FILIP1: variants seen among roughly 807,000 people sequenced by gnomAD.
FILIP1 encodes the protein filamin A interacting protein 1, also known as filamin-A-interacting protein 1.
FILIP1 carries 61 observed loss-of-function variants against 102.1 expected under a neutral mutation model. The observed-to-expected ratio is 0.60, with a 90% CI of 0.49 to 0.74. The LOEUF (loss-of-function observed/expected upper bound fraction) is 0.74. Ranked by LOEUF, FILIP1 falls within the 30% of genes least tolerant of loss-of-function variation. The pLI, the probability that FILIP1 is intolerant of heterozygous loss-of-function variation, is 0.00. For synonymous variants in FILIP1, 491 were observed against 526.9 expected, an observed-to-expected ratio of 0.93 and a Z score of 0.93; for missense variants, 1,314 against 1,441.2, an observed-to-expected ratio of 0.91 and a Z score of 1.43.
At position 75,313,325 on chromosome 6, in the gene FILIP1, C is replaced by T. The variant is rs751607164; in HGVS notation, c.2507G>A (p.Ser836Asn). The T allele has an allele frequency of 1.4e-5, 22 of 1,614,092 alleles. No homozygotes were observed. Among genetic ancestry groups the T allele is most frequent in the African/African-American group, 2.7e-5 (2 of 74,930 alleles). The change falls in exon 5 of 6, where the codon AGT becomes AAT. Residue 836 changes from serine to asparagine, a missense_variant. Physicochemically the swap from Ser to Asn is conservative, Grantham distance 46 (BLOSUM62 1). Coordinates refer to ENST00000237172, the MANE Select transcript of FILIP1 (RefSeq NM_015687.5). The surrounding 1 kb of genome is among the most constrained non-coding windows in gnomAD (Gnocchi z 4.2). ...CTTCAATCCCACCTGCCGAAGATTA[C>T]TCATAATATGATTTTCTTCCTGGAA... ...KSFQEENHIM[S>N]NLRQVGLKKP... is the part of the protein sequence containing the mutation.
chr6:75,418,149 G>T (rs1039718582), intron 1 of FILIP1, among the ~76,000 whole-genome samples: 1 of 152,210 alleles, frequency 6.6e-6, no homozygotes, highest in Non-Finnish European at 1.5e-5. Flanking sequence ...AGTGAGCCGA[G>T]ATTGTGCCAC....
At chr6:75,492,910 G>A (rs76755536) in intron 1 of FILIP1, among the ~76,000 whole-genome samples, 163 of 152,304 alleles carry the variant, frequency 1.1e-3, no homozygotes, top group African/African-American at 3.7e-3. Context: ...GTGTACCAGT[G>A]TAATCAGAGA....
intron 2 of FILIP1, among the ~76,000 whole-genome samples, chr6:75,391,506 T>C (rs577322810): frequency 6.6e-6 from 1 of 152,212 alleles, no homozygotes; most frequent in East Asian, 1.9e-4. Context: ...TTGGGAAGAA[T>C]TTCCACTATC....
rs68150078 is a variant in FILIP1 at position 75,457,612 on chromosome 6, GTCTC to G, written c.-7+35798_-7+35801del. 7.2e-3 allele frequency among the ~76,000 whole-genome samples: 1,021 copies of G among 142,470 alleles called. 5 individuals are homozygous for G. The highest frequency in any genetic ancestry group is 0.028 in the East Asian group (131 of 4,732). The allele number at this position is 142,470 out of a possible 152,430, so 93.5% of individuals were successfully genotyped here. A position where few individuals can be genotyped will look rare whatever the true frequency, so the allele number is the denominator to read the frequency against. On this transcript the variant is annotated intron_variant, in intron 1 of 5. Transcript: ENST00000237172. Reference sequence around the variant, plus strand: ...AAAATACCTAATTATTTCAAACAAAGTCTCTCTCTCTCTCTCTCTCTCTCTCTCT... The same window carrying G: ...AAAATACCTAATTATTTCAAACAAAGTCTCTCTCTCTCTCTCTCTCTCTCT...
At chr6:75,386,104 T>C in intron 2 of FILIP1, 1 of 152,326 alleles carries the variant, frequency 6.6e-6, no homozygotes, top group East Asian at 1.9e-4. Context: ...TACTGCTTAT[T>C]TGTAGTTACC....
rs184365055 is a variant in FILIP1, at chr6:75,427,978, A to T, written c.-6-13000T>A. Among the ~76,000 whole-genome samples the T allele has an allele frequency of 7.0e-4, 106 of 152,126 alleles. 1 individual carries two copies. The highest frequency in any genetic ancestry group is 4.1e-4 in the Non-Finnish European group (28 of 68,000). ...ATTAAAATAGAAGTAGCCATTTTTA[A>T]AGAGGGTGGGTTGAAGGAAGAGTGA... On this transcript the variant is annotated intron_variant, in intron 1 of 5. Transcript: ENST00000237172.
chr6:75,491,944 C>A (rs960369459), intron 1 of FILIP1, among the ~76,000 whole-genome samples: 2 of 152,146 alleles, frequency 1.3e-5, no homozygotes, highest in Non-Finnish European at 2.9e-5. Context: ...CTTACACATA[C>A]ATTTTTAAGT....
intron 2 of FILIP1, among the ~76,000 whole-genome samples, chr6:75,369,017 G>A (rs956360110): frequency 6.6e-6 from 1 of 152,164 alleles, no homozygotes; most frequent in South Asian, 2.1e-4. Context: ...CACTGCTCTA[G>A]GACAGATGAC....
chr6:75,481,367 T>C (rs1443962601), intron 1 of FILIP1, among the ~76,000 whole-genome samples: 1 of 152,220 alleles, frequency 6.6e-6, no homozygotes, highest in East Asian at 1.9e-4. Context: ...CAAAGAACTC[T>C]AGCCCACCAC....
intron 1 of FILIP1, among the ~76,000 whole-genome samples, chr6:75,469,026 A>G (rs144781149): frequency 6.6e-4 from 101 of 152,180 alleles, no homozygotes; most frequent in African/African-American, 2.4e-3. Flanking sequence ...TAATTTTGCC[A>G]ACCAAAATAA....
At chr6:75,372,786 GAAA>G (rs1562516167) in intron 2 of FILIP1, among the ~76,000 whole-genome samples, 1 of 82,672 alleles carries the variant, frequency 1.2e-5, no homozygotes, top group Non-Finnish European at 2.6e-5. Context: ...AAGAAAGAAA[GAAA>G]GAAAGAAGGA....
chr6:75,350,041 G>C (rs1166558122), intron 4 of FILIP1, among the ~76,000 whole-genome samples: 1 of 152,064 alleles, frequency 6.6e-6, no homozygotes, highest in Admixed American at 6.6e-5. Flanking sequence ...AGCAAGTCAC[G>C]GTGGACGCCT....
intron 4 of FILIP1, among the ~76,000 whole-genome samples, chr6:75,332,637 T>C (rs895674833): frequency 2.0e-5 from 3 of 152,180 alleles, no homozygotes; most frequent in African/African-American, 4.8e-5. Context: ...ATAAGTTAAA[T>C]GGAAGGATTC....
intron 2 of FILIP1, among the ~76,000 whole-genome samples, chr6:75,408,707 C>T (rs1369691729): frequency 6.6e-6 from 1 of 152,180 alleles, no homozygotes; most frequent in Non-Finnish European, 1.5e-5. Context: ...CCTCCATCTC[C>T]TCCTTTTCCC....
intron 1 of FILIP1, among the ~76,000 whole-genome samples, chr6:75,462,008 A>G (rs1779037392): frequency 6.6e-6 from 1 of 152,172 alleles, no homozygotes; most frequent in Admixed American, 6.5e-5. Context: ...TGTAGGCCAC[A>G]CTTGTTCACA....
rs552167450 is a variant in FILIP1, at chr6:75,459,177, T to C, written c.-7+34237A>G. Among the ~76,000 whole-genome samples the C allele has an allele frequency of 2.0e-5, 3 of 152,328 alleles. No individual in the cohort carries two copies. In the East Asian group the frequency reaches 5.8e-4, roughly 29 times the overall value. ...CACTATACACTGTCTCTGATCCTGC[T>C]TGGTTTTATTTTAACAGACCGATTT... is the stretch of plus-strand genomic sequence containing the variant. On this transcript the variant is annotated intron_variant, in intron 1 of 5. Coordinates refer to ENST00000237172, the MANE Select transcript of FILIP1 (RefSeq NM_015687.5).
At chr6:75,472,617 C>T (rs896731411) in intron 1 of FILIP1, among the ~76,000 whole-genome samples, 21 of 152,036 alleles carry the variant, frequency 1.4e-4, no homozygotes, top group African/African-American at 5.1e-4. Context: ...AAGATGGAAC[C>T]TGATAATTTA....
chr6:75,476,578 C>T (rs1006411187), intron 1 of FILIP1, among the ~76,000 whole-genome samples: 1 of 152,142 alleles, frequency 6.6e-6, no homozygotes, highest in Non-Finnish European at 1.5e-5. Context: ...GGTGCTCAAC[C>T]TATTCTATAT....
At chr6:75,371,277 A>G (rs1348765842) in intron 2 of FILIP1, among the ~76,000 whole-genome samples, 2 of 152,204 alleles carry the variant, frequency 1.3e-5, no homozygotes, top group Non-Finnish European at 2.9e-5. Flanking sequence ...ATAGTAGCCT[A>G]AAAGCCTATA....
Sources: gnomAD v4.1 joint callset for allele counts (sites outside exome capture counted in the v4.1 genomes callset) on GRCh38, gnomAD v4.1.1 for gene constraint, Gnocchi (gnomAD v3.1) non-coding constraint, MANE v1.5 for transcripts, NCBI Gene and HGNC (gene_info 2026-07-23, HGNC 2026-07-21) for gene names.